Variants in NUBPL observed in about 807,000 individuals in gnomAD.
NUBPL encodes the protein NUBP iron-sulfur cluster assembly factor, mitochondrial.
In NUBPL, 31 loss-of-function variants were observed where a neutral mutation model predicts 45.7. That is an observed-to-expected ratio of 0.68 (90% CI 0.51 to 0.92). The LOEUF (loss-of-function observed/expected upper bound fraction) is 0.92, where lower values mean the gene tolerates loss of function less well. Ranked by LOEUF, NUBPL falls within the 40% of genes least tolerant of loss-of-function variation. NUBPL has a pLI of 0.00. For missense variants in NUBPL, 401 were observed against 398.7 expected (o/e 1.01, Z -0.05); for synonymous variants, 144 against 140.9 (o/e 1.02, Z -0.15).
chr14:31,833,787 A>G (rs2040230106), intron 8 of NUBPL, among the ~76,000 whole-genome samples: 1 of 152,192 alleles, frequency 6.6e-6, no homozygotes. Context: ...ATGTACCTAC[A>G]TTGGAGATTT....
chr14:31,723,211 A>T (rs1566524065), intron 6 of NUBPL, among the ~76,000 whole-genome samples: 2 of 152,154 alleles, frequency 1.3e-5, no homozygotes, highest in East Asian at 3.9e-4. Context: ...TCTTTTCCTC[A>T]TTGCTTGTTT....
chr14:31,798,347 G>A (rs1370187938), intron 7 of NUBPL, among the ~76,000 whole-genome samples: 1 of 128,798 alleles, frequency 7.8e-6, no homozygotes, highest in Non-Finnish European at 1.6e-5. Context: ...ATATCCATGT[G>A]GTCAGTTGAT....
chr14:31,773,574 C>G (rs2039047527), intron 6 of NUBPL, among the ~76,000 whole-genome samples: 1 of 152,128 alleles, frequency 6.6e-6, no homozygotes, highest in South Asian at 2.1e-4. Flanking sequence ...AATAACGATC[C>G]TAGGAGCTTG....
At chr14:31,730,281 T>A (rs2038021152) in intron 6 of NUBPL, among the ~76,000 whole-genome samples, 1 of 152,154 alleles carries the variant, frequency 6.6e-6, no homozygotes, top group African/African-American at 2.4e-5. Flanking sequence ...TGCCTTCATA[T>A]GCTTCACAAG....
chr14:31,850,055 G>T, intron 9 of NUBPL, 64 bp from the exon 10 acceptor site: 2 of 1,181,182 alleles, frequency 1.7e-6, no homozygotes, highest in Admixed American at 1.7e-5. Context: ...AGTTCAAATA[G>T]TGAGATTCAA....
intron 6 of NUBPL, among the ~76,000 whole-genome samples, chr14:31,781,877 A>G (rs1187362079): frequency 6.6e-6 from 1 of 152,084 alleles, no homozygotes; most frequent in East Asian, 1.9e-4. Flanking sequence ...TAGGACAAAG[A>G]TTTACTACAC....
chr14:31,739,797 CCT>C lies in NUBPL; in HGVS notation c.514-47980_514-47979del, dbSNP rs553023503. On this transcript the variant is annotated intron_variant, in intron 6 of 10. Transcript: ENST00000281081. The stretch of plus-strand genomic sequence containing the variant: ...AGAATAGTTTCACTATCCTAAAAAT[CCT>C]CTGTGTCCTGCCTATTGATCCTTCT... Among the ~76,000 whole-genome samples the C allele has an allele frequency of 2.0e-3, 310 of 152,266 alleles. 1 individual carries two copies. The highest frequency in any genetic ancestry group is 6.9e-3 in the African/African-American group (286 of 41,558).
chr14:31,612,102 A>G (rs1464056188), intron 4 of NUBPL, among the ~76,000 whole-genome samples: 3 of 152,262 alleles, frequency 2.0e-5, no homozygotes, highest in African/African-American at 7.2e-5. Flanking sequence ...CTGCAGAGCA[A>G]AGGAAACAAT....
At chr14:31,818,010 G>A (rs943039914) in intron 7 of NUBPL, among the ~76,000 whole-genome samples, 1 of 152,126 alleles carries the variant, frequency 6.6e-6, no homozygotes, top group Admixed American at 6.5e-5. Flanking sequence ...AAAAGCATGG[G>A]TTGCAATCCT....
chr14:31,684,276 A>T (rs1447339136), intron 6 of NUBPL, among the ~76,000 whole-genome samples: 4 of 152,200 alleles, frequency 2.6e-5, no homozygotes. Context: ...AGTGTCATGT[A>T]CATGGGTTTT....
chr14:31,642,501 T>C (rs924641115), intron 4 of NUBPL, among the ~76,000 whole-genome samples: 2 of 151,938 alleles, frequency 1.3e-5, no homozygotes, highest in African/African-American at 4.8e-5. Context: ...GTAAAATGAG[T>C]GTGGATTTAT....
intron 6 of NUBPL, among the ~76,000 whole-genome samples, chr14:31,699,428 A>C (rs902562586): frequency 2.6e-5 from 4 of 152,228 alleles, no homozygotes; most frequent in African/African-American, 9.6e-5. Flanking sequence ...CATTTAAATC[A>C]CACAATTCTA....
At position 31,778,595 on chromosome 14, in the gene NUBPL, G is replaced by C. The variant is rs145132562; in HGVS notation, c.514-9185G>C. On this transcript the variant is annotated intron_variant, in intron 6 of 10. Transcript: ENST00000281081. ...GTTCCTTAGTCACTGTGAAGCTCTT[G>C]AGAGACTTCCCAGGTTGATATAATT... 6.5e-3 allele frequency among the ~76,000 whole-genome samples: 996 copies of C among 152,328 alleles called. 12 individuals are homozygous for C. The highest frequency in any genetic ancestry group is 0.022 in the African/African-American group (933 of 41,578).
chr14:31,634,397 G>A (rs1350935787), intron 4 of NUBPL, among the ~76,000 whole-genome samples: 2 of 151,608 alleles, frequency 1.3e-5, no homozygotes, highest in Non-Finnish European at 2.9e-5. Flanking sequence ...TTTCATCCAT[G>A]TCCCTACAAA....
chr14:31,609,409 G>A (rs1017248195), intron 4 of NUBPL, among the ~76,000 whole-genome samples: 11 of 152,158 alleles, frequency 7.2e-5, no homozygotes, highest in African/African-American at 2.2e-4. Flanking sequence ...CAACACTGGA[G>A]CACCTGGATA....
At chr14:31,716,435 G>A (rs1416356067) in intron 6 of NUBPL, among the ~76,000 whole-genome samples, 1 of 152,086 alleles carries the variant, frequency 6.6e-6, no homozygotes, top group Non-Finnish European at 1.5e-5. Flanking sequence ...CCACACTTAT[G>A]AGTAATTTGT....
intron 6 of NUBPL, among the ~76,000 whole-genome samples, chr14:31,710,624 T>C (rs1196895038): frequency 6.6e-6 from 1 of 152,164 alleles, no homozygotes; most frequent in African/African-American, 2.4e-5. Flanking sequence ...CATTCTCCTG[T>C]TAGTACTGGA....
chr14:31,856,276 A>G (rs1347183850), intron 10 of NUBPL, among the ~76,000 whole-genome samples: 1 of 152,060 alleles, frequency 6.6e-6, no homozygotes, highest in African/African-American at 2.4e-5. Flanking sequence ...CATGAGATTC[A>G]CTGTTATGAG....
intron 3 of NUBPL, among the ~76,000 whole-genome samples, chr14:31,592,446 A>G (rs995833979): frequency 1.3e-5 from 2 of 152,140 alleles, no homozygotes; most frequent in Non-Finnish European, 2.9e-5. Flanking sequence ...TTTCATCTGA[A>G]TCATTCTTGC....
Sources: allele counts gnomAD v4.1 joint callset (sites outside exome capture counted in the v4.1 genomes callset), GRCh38; gene constraint gnomAD v4.1.1; transcripts MANE v1.5; gene names NCBI Gene and HGNC (gene_info 2026-07-23, HGNC 2026-07-21).